The following ARHGAP26 variants were observed in gnomAD, a reference collection of about 807,000 sequenced individuals.
ARHGAP26 encodes the protein Rho GTPase activating protein 26.
ARHGAP26 carries 38 observed loss-of-function variants against 104.8 expected under a neutral mutation model. The observed-to-expected ratio is 0.36, with a 90% CI of 0.28 to 0.48. The LOEUF (loss-of-function observed/expected upper bound fraction) is 0.48, where lower values mean the gene tolerates loss of function less well. Among genes scored for constraint, ARHGAP26 ranks in the 20% least tolerant of loss-of-function variants. The probability of loss-of-function intolerance (pLI) is 0.99; values close to 1 mark genes in which losing one functional copy is unlikely to be tolerated. For synonymous variants in ARHGAP26, 341 were observed against 340.0 expected (o/e 1.00, Z -0.03); for missense variants, 704 against 947.9 (o/e 0.74, Z 3.38).
At chr5:143,071,483 G>A (rs1288736124) in intron 17 of ARHGAP26, among the ~76,000 whole-genome samples, 1 of 152,166 alleles carries the variant, frequency 6.6e-6, no homozygotes, top group East Asian at 1.9e-4. Flanking sequence ...AACTCAAAAT[G>A]GATCAAAGTC....
intron 20 of ARHGAP26, among the ~76,000 whole-genome samples, chr5:143,199,106 C>T (rs1373178714): frequency 6.6e-6 from 1 of 152,154 alleles, no homozygotes; most frequent in Non-Finnish European, 1.5e-5. Flanking sequence ...CGAACTCTGT[C>T]ATTGTTTAAA....
chr5:142,850,028 T>G (rs1428638154), intron 1 of ARHGAP26, among the ~76,000 whole-genome samples: 3 of 152,200 alleles, frequency 2.0e-5, no homozygotes. Flanking sequence ...CCACCTCACT[T>G]GGATCTTTCC....
chr5:143,033,913 G>C (rs1355339418), intron 12 of ARHGAP26, among the ~76,000 whole-genome samples: 1 of 152,134 alleles, frequency 6.6e-6, no homozygotes, highest in Admixed American at 6.5e-5. Context: ...AGCACAAAAC[G>C]TAATTCCCCG....
intron 12 of ARHGAP26, among the ~76,000 whole-genome samples, chr5:143,036,598 C>G (rs1434888157): frequency 6.6e-6 from 1 of 152,116 alleles, no homozygotes; most frequent in Non-Finnish European, 1.5e-5. Context: ...TTATACTTAA[C>G]TCAGGGACAC....
At chr5:143,174,987 C>T (rs1803274964) in intron 20 of ARHGAP26, among the ~76,000 whole-genome samples, 1 of 152,194 alleles carries the variant, frequency 6.6e-6, no homozygotes, top group African/African-American at 2.4e-5. Context: ...GATTTAACTA[C>T]ATTTCAAATT....
intron 1 of ARHGAP26, among the ~76,000 whole-genome samples, chr5:142,854,943 T>TC (rs1171781313): frequency 1.3e-5 from 2 of 152,166 alleles, no homozygotes; most frequent in Admixed American, 1.3e-4. Flanking sequence ...GACCCCCCAG[T>TC]CCCTTTTGTT....
intron 17 of ARHGAP26, among the ~76,000 whole-genome samples, chr5:143,081,907 G>C (rs946355836): frequency 1.3e-5 from 2 of 151,928 alleles, no homozygotes; most frequent in African/African-American, 4.8e-5. Context: ...CTACTCGGGA[G>C]GCTGAGGCAG....
At chr5:142,930,743 G>A (rs1421435208) in intron 10 of ARHGAP26, among the ~76,000 whole-genome samples, 1 of 152,046 alleles carries the variant, frequency 6.6e-6, no homozygotes, top group Non-Finnish European at 1.5e-5. Flanking sequence ...CAACCTGTCT[G>A]TATTTACATG....
chr5:142,890,151 A>AATATATAT lies in ARHGAP26; in HGVS notation c.487-4048_487-4041dup, dbSNP rs752591382. 4.3e-3 allele frequency among the ~76,000 whole-genome samples: 138 copies of AATATATAT among 32,382 alleles called. 4 individuals are homozygous for AATATATAT. Among genetic ancestry groups the AATATATAT allele is most frequent in the Non-Finnish European group, 5.1e-3 (94 of 18,264 alleles). The allele number at this position is 32,382 out of a possible 152,430, so 21.2% of individuals were successfully genotyped here. A position where few individuals can be genotyped will look rare whatever the true frequency, so the allele number is the denominator to read the frequency against. ...AACTCCGTCTTAAAAAAAAAAAAAAAATATATATATATATATATATATATA... is the reference window on the plus strand; with the variant it reads ...AACTCCGTCTTAAAAAAAAAAAAAAAATATATATATATATATATATATATATATATATA... On this transcript the variant is annotated intron_variant, in intron 5 of 22. Transcript: ENST00000645722.
intron 20 of ARHGAP26, among the ~76,000 whole-genome samples, chr5:143,176,858 CA>C (rs1803539059): frequency 6.6e-6 from 1 of 152,184 alleles, no homozygotes; most frequent in African/African-American, 2.4e-5. Flanking sequence ...CTCATAATCT[CA>C]GAATCCGTAA....
chr5:142,923,738 C>A (rs1012419480), intron 10 of ARHGAP26, among the ~76,000 whole-genome samples: 3 of 151,968 alleles, frequency 2.0e-5, no homozygotes, highest in African/African-American at 7.3e-5. Context: ...GTTGGTGATA[C>A]CTACTTTTTA....
At position 143,022,011 on chromosome 5, in the gene ARHGAP26, T is replaced by C. The variant is rs150408399; in HGVS notation, c.1144+7895T>C. On this transcript the variant is annotated intron_variant, in intron 12 of 22. Coordinates refer to ENST00000645722, the MANE Select transcript of ARHGAP26 (RefSeq NM_001135608.3). ...TATATTTTAAATTACCATCTAGACT[T>C]CTGTATTTATTTTGATGTGTATTGT... Among the ~76,000 whole-genome samples, 1,245 of 152,276 alleles carry C rather than the reference T, an allele frequency of 8.2e-3. 16 individuals are homozygous for C. Among genetic ancestry groups the C allele is most frequent in the African/African-American group, 0.029 (1,188 of 41,544 alleles).
chr5:143,058,260 TC>T (rs1261859103), intron 17 of ARHGAP26: 3 of 253,422 alleles, frequency 1.2e-5, no homozygotes, highest in Non-Finnish European at 2.3e-5. Flanking sequence ...GATAATAGAC[TC>T]CCCTTTTTCT....
intron 20 of ARHGAP26, among the ~76,000 whole-genome samples, chr5:143,163,204 A>C (rs988760964): frequency 6.6e-6 from 1 of 152,190 alleles, no homozygotes; most frequent in Non-Finnish European, 1.5e-5. Flanking sequence ...GGGAGATCAG[A>C]TCTACGTATG....
At chr5:143,095,998 ACT>A (rs1792252768) in intron 17 of ARHGAP26, among the ~76,000 whole-genome samples, 1 of 152,176 alleles carries the variant, frequency 6.6e-6, no homozygotes, top group African/African-American at 2.4e-5. Context: ...TTTTTTTAAA[ACT>A]CTACCAACAT....
intron 1 of ARHGAP26, among the ~76,000 whole-genome samples, chr5:142,803,034 G>C (rs1249447643): frequency 6.6e-6 from 1 of 151,912 alleles, no homozygotes; most frequent in African/African-American, 2.4e-5. Flanking sequence ...CCTTAATCCA[G>C]CCTCATGCGC....
chr5:142,978,663 G>A (rs755008505), intron 11 of ARHGAP26, among the ~76,000 whole-genome samples: 2 of 151,814 alleles, frequency 1.3e-5, no homozygotes, highest in Non-Finnish European at 2.9e-5. Context: ...AAATCAATTG[G>A]CATGATACTT....
chr5:142,823,191 G>A (rs1317435719), intron 1 of ARHGAP26, among the ~76,000 whole-genome samples: 1 of 152,092 alleles, frequency 6.6e-6, no homozygotes, highest in African/African-American at 2.4e-5. Context: ...TGGACCCTTG[G>A]GCCTCTGGCA....
chr5:143,046,187 C>T (rs1784212704), intron 14 of ARHGAP26, among the ~76,000 whole-genome samples: 1 of 151,996 alleles, frequency 6.6e-6, no homozygotes, highest in African/African-American at 2.4e-5. Context: ...CACCTATAGC[C>T]CTGCTACTCA....
Sources: allele counts gnomAD v4.1 joint callset (sites outside exome capture counted in the v4.1 genomes callset), GRCh38; gene constraint gnomAD v4.1.1; transcripts MANE v1.5; gene names NCBI Gene and HGNC (gene_info 2026-07-23, HGNC 2026-07-21).